NECTIN2: variants seen among roughly 807,000 people sequenced by gnomAD.
NECTIN2 encodes nectin-2.
In NECTIN2, 23 loss-of-function variants were observed where a neutral mutation model predicts 56.9. The observed-to-expected ratio is 0.40, with a 90% CI of 0.29 to 0.57. The LOEUF (loss-of-function observed/expected upper bound fraction) is 0.57. NECTIN2 is among the 20% of genes least tolerant of loss of function. The pLI is 0.38. For missense variants in NECTIN2, 587 were observed against 718.3 expected, an observed-to-expected ratio of 0.82 and a Z score of 2.09; for synonymous variants, 302 against 313.8, an observed-to-expected ratio of 0.96 and a Z score of 0.40.
intron 5 of NECTIN2, among the ~76,000 whole-genome samples, chr19:44,879,727 T>G (rs11669338): frequency 0.087 from 13,298 of 152,170 alleles, 642 homozygotes; most frequent in South Asian, 0.12. Flanking sequence ...CCTCCATGCC[T>G]CCTCTGTAAC....
At position 44,873,902 on chromosome 19, in the gene NECTIN2, C is replaced by A. The variant is rs1487946928; in HGVS notation, c.776-14C>A. The A allele has an allele frequency of 6.3e-7, 1 of 1,591,602 alleles. No homozygotes were observed. The highest frequency in any genetic ancestry group is 8.6e-7 in the Non-Finnish European group (1 of 1,160,174). ...TTCTCCTCCTTGCTGATCCAGTCCC[C>A]CCATTTCCCCCAGACCCTCCTGAAG... On this transcript the variant is annotated splice_polypyrimidine_tract_variant and intron_variant, in intron 3 of 8. Transcript: ENST00000252483.
chr19:44,874,254 G>A lies in NECTIN2; in HGVS notation c.894-76G>A. On this transcript the variant is annotated intron_variant, in intron 4 of 8. Transcript: ENST00000252483. This position sits in a 1 kb window ranked among gnomAD's most constrained non-coding sequence, Gnocchi z 6.3. ...GTCCCTGGAGCTTGGCTCCTGGTGG[G>A]TGTATCTTTAGGGATGAGGCCTGTG... 51 of 1,533,404 alleles carry A rather than the reference G, an allele frequency of 3.3e-5. No homozygotes were observed. Among genetic ancestry groups the A allele is most frequent in the Non-Finnish European group, 4.4e-5 (49 of 1,111,014 alleles). 95.0% of individuals were successfully genotyped at this position (1,533,404 alleles called of 1,614,324 possible). A position where few individuals can be genotyped will look rare whatever the true frequency, so the allele number is the denominator to read the frequency against.
intron 8 of NECTIN2, among the ~76,000 whole-genome samples, chr19:44,886,578 T>C (rs1599929731): frequency 2.6e-5 from 4 of 151,518 alleles, no homozygotes; most frequent in Admixed American, 2.6e-4. Flanking sequence ...AAAAATTAGT[T>C]GGGTGTGGTG....
At chr19:44,868,662 C>T (rs1969133068) in intron 2 of NECTIN2, among the ~76,000 whole-genome samples, 1 of 151,646 alleles carries the variant, frequency 6.6e-6, no homozygotes, top group African/African-American at 2.4e-5. Flanking sequence ...TCCTGTAATC[C>T]CAGCACTTTG....
Position 44,873,966 on chromosome 19 carries a change from C to T in NECTIN2, c.826C>T (p.Arg276Cys). ...CTATGATGACAACTGGTACCTCGGC[C>T]GTACTGATGCCACCCTGAGCTGTGA... ...SGYDDNWYLG[R>C]TDATLSCDVR... The change falls in exon 4 of 9, where the codon CGT becomes TGT. Residue 276 changes from arginine to cysteine, a missense_variant. Physicochemically the swap from Arg to Cys is radical, Grantham distance 180. Coordinates refer to ENST00000252483, the MANE Select transcript of NECTIN2 (RefSeq NM_001042724.2). 1 of 1,614,102 alleles carries T rather than the reference C, an allele frequency of 6.2e-7. No individual in the cohort carries two copies. The highest frequency in any genetic ancestry group is 1.1e-5 in the South Asian group (1 of 91,076).
At chr19:44,878,581 G>C in intron 5 of NECTIN2, 4 of 1,611,498 alleles carry the variant, frequency 2.5e-6, no homozygotes, top group Non-Finnish European at 3.4e-6. Context: ...AGTCCCAGCT[G>C]GACGGCTCCC....
intron 1 of NECTIN2, among the ~76,000 whole-genome samples, chr19:44,851,601 C>T (rs1330494427): frequency 1.3e-5 from 2 of 152,260 alleles, no homozygotes; most frequent in Non-Finnish European, 2.9e-5. Flanking sequence ...GGGCAGCCTC[C>T]ACTCTGCCAC....
intron 5 of NECTIN2, chr19:44,878,575 C>T: frequency 6.2e-7 from 1 of 1,612,334 alleles, no homozygotes; most frequent in Non-Finnish European, 8.5e-7. Context: ...ACATGGAGTC[C>T]CAGCTGGACG....
chr19:44,857,621 C>T (rs1599910698), intron 1 of NECTIN2, among the ~76,000 whole-genome samples: 1 of 151,984 alleles, frequency 6.6e-6, no homozygotes. Flanking sequence ...AGGCTGGTCT[C>T]GAACTCCTGA....
At chr19:44,871,795 GTGTT>G (rs1396404655) in intron 2 of NECTIN2, 54 bp from the exon 3 acceptor site, 1 of 1,560,360 alleles carries the variant, frequency 6.4e-7, no homozygotes, top group Non-Finnish European at 8.7e-7. Flanking sequence ...CCTCTGCTGA[GTGTT>G]TGTTGAATGA....
intron 5 of NECTIN2, 91 bp from the exon 6 acceptor site, chr19:44,882,116 ACAGG>A (rs1263115904): frequency 8.7e-7 from 1 of 1,150,192 alleles, no homozygotes; most frequent in African/African-American, 1.6e-5. Context: ...GAGGACATAG[ACAGG>A]CAGGCGATGA....
intron 5 of NECTIN2, among the ~76,000 whole-genome samples, chr19:44,880,834 G>A (rs1253020586): frequency 2.7e-5 from 4 of 148,840 alleles, no homozygotes; most frequent in African/African-American, 7.5e-5. Flanking sequence ...GTGCAATGGC[G>A]CGATCTTGGC....
chr19:44,846,722 C>G, intron 1 of NECTIN2, 109 bp downstream of exon 1: 1 of 1,316,022 alleles, frequency 7.6e-7, no homozygotes, highest in Non-Finnish European at 1.0e-6. Flanking sequence ...CCCCGAGCCC[C>G]CTCTCGCGTG....
At chr19:44,864,020 C>CCCCCA (rs1568590983) in intron 1 of NECTIN2, among the ~76,000 whole-genome samples, 2 of 151,532 alleles carry the variant, frequency 1.3e-5, no homozygotes, top group South Asian at 4.2e-4. Flanking sequence ...ATTCCCCCCC[C>CCCCCA]CCAAAAAAAA....
intron 2 of NECTIN2, among the ~76,000 whole-genome samples, chr19:44,870,345 C>T (rs185519708): frequency 2.0e-4 from 30 of 151,908 alleles, no homozygotes; most frequent in African/African-American, 5.6e-4. Flanking sequence ...GGATGCTCCA[C>T]GATGGTCAGG....
intron 5 of NECTIN2, chr19:44,878,694 AG>A (rs1180485998): frequency 3.8e-5 from 57 of 1,513,000 alleles, no homozygotes; most frequent in Non-Finnish European, 4.9e-5. Flanking sequence ...CTAGGGTTCC[AG>A]ACTGGTTGGA....
intron 1 of NECTIN2, among the ~76,000 whole-genome samples, chr19:44,853,776 T>G (rs897269956): frequency 1.2e-4 from 18 of 152,166 alleles, no homozygotes; most frequent in Non-Finnish European, 2.2e-4. Context: ...CGTGAGCCAT[T>G]GCGCCCAGGG....
intron 5 of NECTIN2, among the ~76,000 whole-genome samples, chr19:44,881,550 G>A (rs999589818): frequency 4.6e-5 from 7 of 151,602 alleles, no homozygotes; most frequent in Non-Finnish European, 4.4e-5. Flanking sequence ...AGCTGGGCCT[G>A]GCGGCACATG....
At chr19:44,852,634 A>G (rs1968914530) in intron 1 of NECTIN2, among the ~76,000 whole-genome samples, 1 of 151,942 alleles carries the variant, frequency 6.6e-6, no homozygotes, top group South Asian at 2.1e-4. Context: ...GTGCATAGGA[A>G]CAAACCACAA....
Sources: allele counts gnomAD v4.1 joint callset (sites outside exome capture counted in the v4.1 genomes callset), GRCh38; gene constraint gnomAD v4.1.1; non-coding constraint Gnocchi (gnomAD v3.1); transcripts MANE v1.5; gene names NCBI Gene and HGNC (gene_info 2026-07-23, HGNC 2026-07-21).